The following DACH1 variants were observed in gnomAD, a reference collection of about 807,000 sequenced individuals.
The protein encoded by DACH1 is dachshund homolog 1.
DACH1 carries 12 observed loss-of-function variants against 54.2 expected under a neutral mutation model. The observed-to-expected ratio is 0.22, with a 90% CI of 0.14 to 0.36. The LOEUF is 0.36. Ranked by LOEUF, DACH1 falls within the 10% of genes least tolerant of loss-of-function variation. The pLI is 1.00. For synonymous variants in DACH1, 386 were observed against 366.2 expected, an observed-to-expected ratio of 1.05 and a Z score of -0.62; for missense variants, 805 against 929.8, an observed-to-expected ratio of 0.87 and a Z score of 1.75.
At chr13:71,842,876 T>C (rs1006588389) in intron 1 of DACH1, among the ~76,000 whole-genome samples, 4 of 152,152 alleles carry the variant, frequency 2.6e-5, no homozygotes, top group African/African-American at 9.7e-5. Context: ...ACTTGTCAAT[T>C]GGGTGTCTTG....
In DACH1 at chr13:71,656,914, C is replaced by T. The variant is rs578146509; in HGVS notation, c.964+24881G>A. 7.9e-4 allele frequency among the ~76,000 whole-genome samples: 31 copies of T among 39,222 alleles called. No individual in the cohort carries two copies. In the East Asian group the frequency reaches 0.019, roughly 24 times the overall value. The allele number at this position is 39,222 out of a possible 152,430, so 25.7% of individuals were successfully genotyped here. On this transcript the variant is annotated intron_variant, in intron 2 of 10. Transcript: ENST00000613252. ...TTACCTTGAGTACAGATTGACTGTT[C>T]TTCTTTCATATATATATATATATAT... is the stretch of plus-strand genomic sequence containing the variant.
intron 6 of DACH1, among the ~76,000 whole-genome samples, chr13:71,503,712 G>A (rs778764793): frequency 6.6e-6 from 1 of 152,128 alleles, no homozygotes; most frequent in Non-Finnish European, 1.5e-5. Context: ...TCCCAGGTTT[G>A]CCACGGCAGA....
intron 3 of DACH1, among the ~76,000 whole-genome samples, chr13:71,589,847 T>C (rs1873569079): frequency 6.6e-6 from 1 of 152,096 alleles, no homozygotes; most frequent in Admixed American, 6.5e-5. Flanking sequence ...TCACTGATTT[T>C]CCTTTTTTAC....
chr13:71,438,208 T>C lies in DACH1; in HGVS notation c.*2447A>G, dbSNP rs781692237. On this transcript the variant is annotated 3_prime_UTR_variant, in exon 11 of 11. Coordinates refer to ENST00000613252, the MANE Select transcript of DACH1 (RefSeq NM_080759.6). ...ATATATAGATAAAAATAGACAATTT[T>C]CATAGGTCCTACATGAAGATGAGTA... 9 of 152,352 alleles carry C rather than the reference T, an allele frequency of 5.9e-5. No individual in the cohort carries two copies. The highest frequency in any genetic ancestry group is 1.0e-4 in the Non-Finnish European group (7 of 67,834). 9.4% of individuals were successfully genotyped at this position (152,352 alleles called of 1,614,324 possible). A position where few individuals can be genotyped will look rare whatever the true frequency, so the allele number is the denominator to read the frequency against.
chr13:71,538,120 C>A (rs906327581), intron 6 of DACH1, among the ~76,000 whole-genome samples: 1 of 151,994 alleles, frequency 6.6e-6, no homozygotes, highest in African/African-American at 2.4e-5. Context: ...AAACTCAATG[C>A]CCCACACTAG....
intron 3 of DACH1, among the ~76,000 whole-genome samples, chr13:71,575,033 T>A (rs1885445475): frequency 6.6e-6 from 1 of 152,036 alleles, no homozygotes; most frequent in South Asian, 2.1e-4. Context: ...ATTTTAAACA[T>A]CTGCTCTTTA....
At chr13:71,445,030 T>C (rs901266297) in intron 10 of DACH1, among the ~76,000 whole-genome samples, 2 of 152,140 alleles carry the variant, frequency 1.3e-5, no homozygotes, top group African/African-American at 2.4e-5. Flanking sequence ...AATTACTCTA[T>C]AGCGCTTATC....
At chr13:71,496,687 A>T (rs1400490880) in intron 6 of DACH1, among the ~76,000 whole-genome samples, 1 of 152,098 alleles carries the variant, frequency 6.6e-6, no homozygotes, top group Non-Finnish European at 1.5e-5. Flanking sequence ...ATAAAATTAC[A>T]CTTGTACCAC....
At chr13:71,705,105 T>C (rs979242504) in intron 1 of DACH1, among the ~76,000 whole-genome samples, 10 of 152,108 alleles carry the variant, frequency 6.6e-5, no homozygotes, top group African/African-American at 2.2e-4. Flanking sequence ...ATATAAAGAG[T>C]GATCCATTGT....
chr13:71,615,347 G>A lies in DACH1; in HGVS notation c.1126+15209C>T, dbSNP rs534281538. 3.9e-5 allele frequency among the ~76,000 whole-genome samples: 6 copies of A among 152,114 alleles called. No homozygotes were observed. In the South Asian group the frequency reaches 8.3e-4, roughly 21 times the overall value. Reference sequence around the variant, plus strand: ...CTAATGTTAATGACCACTGTTCTTCGGTAAATCCCAGTTAAACCAAGCTTA... The same window carrying A: ...CTAATGTTAATGACCACTGTTCTTCAGTAAATCCCAGTTAAACCAAGCTTA... On this transcript the variant is annotated intron_variant, in intron 3 of 10. Transcript: ENST00000613252.
intron 6 of DACH1, among the ~76,000 whole-genome samples, chr13:71,508,354 C>T (rs973528737): frequency 2.6e-5 from 4 of 152,132 alleles, no homozygotes; most frequent in Non-Finnish European, 4.4e-5. Context: ...ATTACTCTCA[C>T]AATTTTTATT....
chr13:71,512,921 T>C (rs1880890984), intron 6 of DACH1, among the ~76,000 whole-genome samples: 1 of 151,922 alleles, frequency 6.6e-6, no homozygotes. Context: ...AAAAAGATTA[T>C]ACATTTAAAA....
At chr13:71,826,211 T>C (rs964405802) in intron 1 of DACH1, among the ~76,000 whole-genome samples, 7 of 152,160 alleles carry the variant, frequency 4.6e-5, no homozygotes, top group Non-Finnish European at 1.0e-4. Flanking sequence ...TTTCTTTTCC[T>C]AATCCTGATT....
intron 1 of DACH1, among the ~76,000 whole-genome samples, chr13:71,818,796 A>C (rs2138175780): frequency 6.6e-6 from 1 of 152,342 alleles, no homozygotes; most frequent in Admixed American, 6.5e-5. Context: ...GACAATAAAG[A>C]AGCTTAGTTT....
intron 10 of DACH1, among the ~76,000 whole-genome samples, chr13:71,454,010 A>G (rs183440646): frequency 6.6e-6 from 1 of 152,204 alleles, no homozygotes; most frequent in East Asian, 1.9e-4. Flanking sequence ...CACAGAAGAG[A>G]TAAGTTCAAA....
intron 1 of DACH1, among the ~76,000 whole-genome samples, chr13:71,686,298 C>A (rs1379509619): frequency 6.6e-6 from 1 of 152,100 alleles, no homozygotes; most frequent in East Asian, 1.9e-4. Context: ...TTTAATATCC[C>A]AAACACTAGG....
At chr13:71,743,055 A>T (rs1421390471) in intron 1 of DACH1, among the ~76,000 whole-genome samples, 1 of 152,156 alleles carries the variant, frequency 6.6e-6, no homozygotes, top group African/African-American at 2.4e-5. Flanking sequence ...ACACAGTGAT[A>T]TGATGGACAT....
chr13:71,838,184 C>T (rs1424212979), intron 1 of DACH1, among the ~76,000 whole-genome samples: 4 of 151,946 alleles, frequency 2.6e-5, no homozygotes, highest in African/African-American at 9.7e-5. Context: ...CCTATTGCCC[C>T]CAGTGGGACA....
intron 3 of DACH1, among the ~76,000 whole-genome samples, chr13:71,596,943 C>T (rs1318575904): frequency 6.6e-6 from 1 of 152,016 alleles, no homozygotes; most frequent in Non-Finnish European, 1.5e-5. Context: ...CCTAAGATGA[C>T]TCAGGTGGCC....
Sources: allele counts gnomAD v4.1 joint callset (sites outside exome capture counted in the v4.1 genomes callset), GRCh38; gene constraint gnomAD v4.1.1; transcripts MANE v1.5; gene names NCBI Gene and HGNC (gene_info 2026-07-23, HGNC 2026-07-21).